The following VPS35L variants were observed in gnomAD, a reference collection of about 807,000 sequenced individuals.
VPS35L encodes the protein VPS35 endosomal protein sorting factor like, also known as VPS35 endosomal protein-sorting factor-like.
Under a neutral mutation model 133.0 loss-of-function variants are expected in VPS35L, and 83 were observed. The ratio of observed to expected loss-of-function variants is 0.62; its 90% CI spans 0.52 to 0.75. VPS35L has a LOEUF of 0.75. Ranked by LOEUF, VPS35L falls within the 30% of genes least tolerant of loss-of-function variation. The pLI is 0.00. For missense variants in VPS35L, 1,083 were observed against 1,206.8 expected (o/e 0.90, Z 1.52); for synonymous variants, 423 against 449.9 (o/e 0.94, Z 0.76).
intron 7 of VPS35L, among the ~76,000 whole-genome samples, chr16:19,583,537 CA>C (rs577504154): frequency 1.2e-3 from 177 of 152,086 alleles, no homozygotes; most frequent in African/African-American, 4.2e-3. Context: ...TGGGAACATT[CA>C]AAATCTTCTC....
chr16:19,568,720 A>G (rs1971268236), intron 2 of VPS35L, among the ~76,000 whole-genome samples: 2 of 152,104 alleles, frequency 1.3e-5, no homozygotes, highest in South Asian at 2.1e-4. Flanking sequence ...ATCTCGGCTC[A>G]CTGCAACCTC....
At chr16:19,663,481 C>T (rs1189230378) in intron 26 of VPS35L, among the ~76,000 whole-genome samples, 2 of 151,968 alleles carry the variant, frequency 1.3e-5, no homozygotes, top group Non-Finnish European at 2.9e-5. Context: ...GATAGGCTCA[C>T]ACGTATACAG....
intron 28 of VPS35L, among the ~76,000 whole-genome samples, chr16:19,688,363 A>G (rs1190217542): frequency 6.6e-6 from 1 of 152,160 alleles, no homozygotes; most frequent in Non-Finnish European, 1.5e-5. Context: ...TGTTCTTTCA[A>G]TGGGGCGAGA....
Position 19,682,357 on chromosome 16 carries a change from A to C in VPS35L, c.2494A>C (p.Ser832Arg). 6.2e-7 allele frequency: 1 copy of C among 1,614,238 alleles called. No individual in the cohort carries two copies. Among genetic ancestry groups the C allele is most frequent in the Non-Finnish European group, 8.5e-7 (1 of 1,180,042 alleles). ...CGTCCTGCATCTCCTCTCCGCCATGAGCCAGGAGACGTACCTTTACCACAT... is the reference window on the plus strand; with the variant it reads ...CGTCCTGCATCTCCTCTCCGCCATGCGCCAGGAGACGTACCTTTACCACAT... ...TCVLHLLSAM[S>R]QETYLYHIDK... The change falls in exon 28 of 31, where the codon AGC becomes CGC. Residue 832 changes from serine to arginine, a missense_variant. Ser to Arg is a moderately radical substitution (Grantham distance 110). Coordinates refer to ENST00000417362, the MANE Select transcript of VPS35L (RefSeq NM_020314.7).
chr16:19,696,579 T>G (rs888607748), intron 29 of VPS35L, among the ~76,000 whole-genome samples: 5 of 151,920 alleles, frequency 3.3e-5, no homozygotes, highest in African/African-American at 1.2e-4. Context: ...TCTTTTCTAT[T>G]TAAAACCTCT....
At chr16:19,564,543 C>T (rs146746478) in intron 1 of VPS35L, among the ~76,000 whole-genome samples, 2 of 152,152 alleles carry the variant, frequency 1.3e-5, no homozygotes, top group East Asian at 1.9e-4. Context: ...GGATTACAGG[C>T]GTGCGCCACC....
intron 14 of VPS35L, among the ~76,000 whole-genome samples, chr16:19,618,264 A>T (rs1972962048): frequency 6.6e-6 from 1 of 152,154 alleles, no homozygotes; most frequent in Non-Finnish European, 1.5e-5. Flanking sequence ...GAAAAGAAAA[A>T]AAAAGGACAT....
At chr16:19,578,082 C>G (rs1321977314) in intron 5 of VPS35L, among the ~76,000 whole-genome samples, 1 of 152,202 alleles carries the variant, frequency 6.6e-6, no homozygotes, top group Non-Finnish European at 1.5e-5. Flanking sequence ...CAAGTCTGGT[C>G]CACTGCCTGT....
chr16:19,590,136 CCCG>C (rs1396847586), intron 7 of VPS35L, among the ~76,000 whole-genome samples: 361 of 20,038 alleles, frequency 0.018, 1 homozygote, highest in Non-Finnish European at 0.023. Context: ...ACATTCCCGC[CCCG>C]CCCCCCCCCC....
chr16:19,696,272 T>TG (rs1975907405), intron 29 of VPS35L, among the ~76,000 whole-genome samples: 2 of 152,118 alleles, frequency 1.3e-5, no homozygotes, highest in South Asian at 4.1e-4. Context: ...GCATGAGGCT[T>TG]GGTATCCAGG....
chr16:19,608,363 T>G, intron 10 of VPS35L, 89 bp downstream of exon 10: 1 of 1,006,542 alleles, frequency 9.9e-7, no homozygotes, highest in Non-Finnish European at 1.5e-6. Context: ...TGGGATGCCC[T>G]GACATTCTTA....
intron 1 of VPS35L, among the ~76,000 whole-genome samples, chr16:19,562,167 G>C (rs771165326): frequency 6.6e-6 from 1 of 152,064 alleles, no homozygotes; most frequent in Non-Finnish European, 1.5e-5. Flanking sequence ...TATTCCGGGG[G>C]GCTACTATAG....
chr16:19,679,156 C>T (rs1033442658), intron 27 of VPS35L, among the ~76,000 whole-genome samples: 2 of 1,306 alleles, frequency 1.5e-3, no homozygotes, highest in African/African-American at 3.3e-3. Flanking sequence ...GGTGGGGAGG[C>T]GGGGGGGCGG....
chr16:19,556,744 T>G (rs1970868659), intron 1 of VPS35L, among the ~76,000 whole-genome samples: 1 of 152,024 alleles, frequency 6.6e-6, no homozygotes, highest in African/African-American at 2.4e-5. Flanking sequence ...GCCCAACACT[T>G]AAGAGACTGC....
intron 25 of VPS35L, among the ~76,000 whole-genome samples, 188 bp from the exon 26 acceptor site, chr16:19,651,788 T>TCCCCTCACA (rs1457161745): frequency 6.6e-6 from 1 of 152,096 alleles, no homozygotes; most frequent in Non-Finnish European, 1.5e-5. Flanking sequence ...TATCACTCAC[T>TCCCCTCACA]CCCCTCACAC....
intron 15 of VPS35L, 134 bp downstream of exon 15, chr16:19,626,357 C>G (rs1280612005): frequency 2.7e-6 from 2 of 749,472 alleles, no homozygotes; most frequent in Non-Finnish European, 4.7e-6. Flanking sequence ...ATGCTGGAGT[C>G]CGGTTGCCTG....
intron 9 of VPS35L, among the ~76,000 whole-genome samples, chr16:19,604,871 A>T (rs892754469): frequency 3.3e-5 from 5 of 152,236 alleles, no homozygotes; most frequent in African/African-American, 9.6e-5. Context: ...ACACACTATT[A>T]GATGTGGTCA....
At chr16:19,620,338 T>C (rs1334225481) in intron 14 of VPS35L, among the ~76,000 whole-genome samples, 2 of 152,172 alleles carry the variant, frequency 1.3e-5, no homozygotes, top group African/African-American at 2.4e-5. Flanking sequence ...ATGCTCTTTT[T>C]CCCCCAAAAA....
At chr16:19,677,168 C>T (rs1003680521) in intron 27 of VPS35L, among the ~76,000 whole-genome samples, 6 of 151,460 alleles carry the variant, frequency 4.0e-5, no homozygotes, top group Admixed American at 6.6e-5. Flanking sequence ...TAGGTTCAAG[C>T]GATTCTCTTG....
Sources: allele counts gnomAD v4.1 joint callset (sites outside exome capture counted in the v4.1 genomes callset), GRCh38; gene constraint gnomAD v4.1.1; transcripts MANE v1.5; gene names NCBI Gene and HGNC (gene_info 2026-07-23, HGNC 2026-07-21).